The following NCOR2 variants were observed in gnomAD, a reference collection of about 807,000 sequenced individuals.
The protein encoded by NCOR2 is nuclear receptor corepressor 2, also known as CTG repeat protein 26.
Under a neutral mutation model 262.9 loss-of-function variants are expected in NCOR2, and 81 were observed. The ratio of observed to expected loss-of-function variants is 0.31; its 90% CI spans 0.26 to 0.37. NCOR2 has a LOEUF of 0.37. Among genes scored for constraint, NCOR2 ranks in the 10% least tolerant of loss-of-function variants. The probability of loss-of-function intolerance (pLI) is 1.00; values close to 1 mark genes in which losing one functional copy is unlikely to be tolerated. For synonymous variants in NCOR2, 1,659 were observed against 1,559.3 expected (o/e 1.06, Z -1.51); for missense variants, 3,385 against 3,621.4 (o/e 0.93, Z 1.68).
At chr12:124,355,597 T>C (rs778075966) in intron 23 of NCOR2, 26 bp from the exon 26 acceptor site, 2 of 1,537,664 alleles carry the variant, frequency 1.3e-6, no homozygotes, top group Non-Finnish European at 1.7e-6. Flanking sequence ...CTGTCCATTG[T>C]GGGGCCCAGG....
In NCOR2 at chr12:124,503,434, T is replaced by G. The variant is rs1286293463; in HGVS notation, c.-117-8066A>C. Reference sequence around the variant, plus strand: ...GAGGATGGATGGATGAATGCATGCATGGATAGAGAAAGGAGGAAGGATGCA... The same window carrying G: ...GAGGATGGATGGATGAATGCATGCAGGGATAGAGAAAGGAGGAAGGATGCA... On this transcript the variant is annotated intron_variant, in intron 1 of 46. Coordinates refer to the NCOR2 transcript ENST00000404621. This position sits in a 1 kb window ranked among gnomAD's most constrained non-coding sequence, Gnocchi z 4.3. Among the ~76,000 whole-genome samples the G allele has an allele frequency of 6.6e-6, 1 of 151,804 alleles. No individual in the cohort carries two copies. Among genetic ancestry groups the G allele is most frequent in the African/African-American group, 2.4e-5 (1 of 41,270 alleles).
intron 16 of NCOR2, among the ~76,000 whole-genome samples, chr12:124,386,224 G>T (rs2040794859): frequency 6.6e-6 from 1 of 152,120 alleles, no homozygotes; most frequent in South Asian, 2.1e-4. Context: ...GGAGGGCTGT[G>T]AATATCCAGA....
rs1317272040 is a variant in NCOR2, at chr12:124,432,997, G to T, written c.883-2210C>A. On this transcript the variant is annotated intron_variant, in intron 8 of 46. Transcript: ENST00000405201. The surrounding 1 kb of genome is among the most constrained non-coding windows in gnomAD (Gnocchi z 5.1). ...CCACAAACACCCACTTGGTGCTTCG[G>T]TACAGTCAGAAAGCCCCTCTCTGGT... 6.6e-6 allele frequency among the ~76,000 whole-genome samples: 1 copy of T among 152,110 alleles called. No homozygotes were observed. The highest frequency in any genetic ancestry group is 6.5e-5 in the Admixed American group (1 of 15,286).
chr12:124,397,969 C>T, intron 16 of NCOR2, 150 bp downstream of exon 18: 5 of 866,920 alleles, frequency 5.8e-6, no homozygotes, highest in South Asian at 3.0e-5. Flanking sequence ...GGGTGACAAA[C>T]CTGAGAACAG....
At chr12:124,376,871 A>T (rs756373544) in intron 18 of NCOR2, among the ~76,000 whole-genome samples, 3 of 152,116 alleles carry the variant, frequency 2.0e-5, no homozygotes, top group Non-Finnish European at 4.4e-5. Context: ...TTCACCAAGG[A>T]CTTGGGCTCC....
intron 1 of NCOR2, among the ~76,000 whole-genome samples, chr12:124,520,352 C>T (rs1169312366): frequency 2.0e-5 from 3 of 152,186 alleles, no homozygotes; most frequent in Non-Finnish European, 4.4e-5. Context: ...CCAAACTGGC[C>T]CCATGCAAAC....
At chr12:124,383,440 C>A in intron 17 of NCOR2, 1 of 635,734 alleles carries the variant, frequency 1.6e-6, no homozygotes. Context: ...GTGGTCACCA[C>A]ACTCAACAGG....
chr12:124,332,585 C>T, intron 42 of NCOR2, 118 bp from the exon 45 acceptor site: 1 of 1,295,802 alleles, frequency 7.7e-7, no homozygotes, highest in Non-Finnish European at 1.1e-6. Flanking sequence ...TCACCCGCCC[C>T]CACGCCTGCA....
chr12:124,395,477 G>A (rs1468866106), intron 16 of NCOR2, among the ~76,000 whole-genome samples: 2 of 152,196 alleles, frequency 1.3e-5, no homozygotes, highest in Non-Finnish European at 2.9e-5. Context: ...CAGGGCCTCC[G>A]CGTGCACGGC....
chr12:124,439,377 G>GGA (rs2044673671), intron 7 of NCOR2, among the ~76,000 whole-genome samples: 1 of 1,116 alleles, frequency 9.0e-4, no homozygotes, highest in Non-Finnish European at 2.1e-3. Context: ...GGAGACAGAG[G>GGA]GAGACAGAGA....
chr12:124,500,129 G>T (rs2048618691), upstream of NCOR2, among the ~76,000 whole-genome samples: 1 of 152,118 alleles, frequency 6.6e-6, no homozygotes, highest in African/African-American at 2.4e-5. Flanking sequence ...CGGTGCCTGG[G>T]TGAGGTCAAG....
chr12:124,395,626 C>T (rs2041604648), intron 16 of NCOR2, among the ~76,000 whole-genome samples: 1 of 152,198 alleles, frequency 6.6e-6, no homozygotes, highest in South Asian at 2.1e-4. Flanking sequence ...CTCCCAGCCT[C>T]CGGATCTGCC....
intron 41 of NCOR2, among the ~76,000 whole-genome samples, chr12:124,333,891 T>TGG (rs1284127802): frequency 7.0e-6 from 1 of 143,754 alleles, no homozygotes; most frequent in South Asian, 2.1e-4. Flanking sequence ...TGTGCATGTG[T>TGG]GTGTGCGCGC....
Position 124,522,155 on chromosome 12 carries a change from C to G in NCOR2, c.-118+13410G>C, listed in dbSNP as rs149612165. 8.9e-3 allele frequency among the ~76,000 whole-genome samples: 1,355 copies of G among 152,296 alleles called. 21 individuals are homozygous for G. The highest frequency in any genetic ancestry group is 0.03 in the African/African-American group (1,262 of 41,552). The stretch of plus-strand genomic sequence containing the variant: ...CCCAGGCCTGGAGCTATCAGACATT[C>G]GAGAAGCATCTGCTGAGCCCCTACT... On this transcript the variant is annotated intron_variant, in intron 1 of 46. Transcript: ENST00000404621.
intron 22 of NCOR2, among the ~76,000 whole-genome samples, chr12:124,357,028 G>A (rs1216429472): frequency 6.6e-6 from 1 of 152,236 alleles, no homozygotes; most frequent in Non-Finnish European, 1.5e-5. Flanking sequence ...CTGCCGCTGA[G>A]GACGAGAACG....
At position 124,482,432 on chromosome 12, in the gene NCOR2, G is replaced by T. The variant is rs1057249912; in HGVS notation, c.411+1164C>A. 1.3e-5 allele frequency among the ~76,000 whole-genome samples: 2 copies of T among 152,102 alleles called. No individual in the cohort carries two copies. Among genetic ancestry groups the T allele is most frequent in the Non-Finnish European group, 1.5e-5 (1 of 67,988 alleles). Reference sequence around the variant, plus strand: ...TTCCACGCAGGTATCCTCTCTCCCCGAGAGAAGGCCGAGTCTGGCCCAGGT... The same window carrying T: ...TTCCACGCAGGTATCCTCTCTCCCCTAGAGAAGGCCGAGTCTGGCCCAGGT... On this transcript the variant is annotated intron_variant, in intron 3 of 46. Coordinates refer to ENST00000405201, the Ensembl canonical transcript of NCOR2. This position sits in a 1 kb window ranked among gnomAD's most constrained non-coding sequence, Gnocchi z 6.3.
At chr12:124,449,643 C>G (rs1464716544) in intron 7 of NCOR2, among the ~76,000 whole-genome samples, 172 bp downstream of exon 9, 2 of 152,116 alleles carry the variant, frequency 1.3e-5, no homozygotes, top group African/African-American at 2.4e-5. Flanking sequence ...TCCCCACCCC[C>G]ACCCCAGGTG....
At chr12:124,534,934 C>T (rs1177482847) in intron 1 of NCOR2, among the ~76,000 whole-genome samples, 2 of 152,232 alleles carry the variant, frequency 1.3e-5, no homozygotes, top group Non-Finnish European at 2.9e-5. Flanking sequence ...AGGCACTGCT[C>T]TCTATGAGCA....
chr12:124,559,961 G>T (rs959453716), intron 1 of NCOR2, among the ~76,000 whole-genome samples: 9 of 152,196 alleles, frequency 5.9e-5, no homozygotes, highest in Admixed American at 4.6e-4. Context: ...CAGGCCAAGT[G>T]CTTGCTGCCT....
Sources: allele counts gnomAD v4.1 joint callset (sites outside exome capture counted in the v4.1 genomes callset), GRCh38; gene constraint gnomAD v4.1.1; non-coding constraint Gnocchi (gnomAD v3.1); transcripts MANE v1.5; gene names NCBI Gene and HGNC (gene_info 2026-07-23, HGNC 2026-07-21).